Variants in RALGPS2 observed in about 807,000 individuals in gnomAD.
RALGPS2 encodes the protein Ral GEF with PH domain and SH3 binding motif 2, also known as ras-specific guanine nucleotide-releasing factor RalGPS2.
RALGPS2 carries 43 observed loss-of-function variants against 86.8 expected under a neutral mutation model. The observed-to-expected ratio is 0.50, with a 90% CI of 0.39 to 0.64. RALGPS2 has a LOEUF of 0.64. Ranked by LOEUF, RALGPS2 falls within the 30% of genes least tolerant of loss-of-function variation. The pLI is 0.00. For missense variants in RALGPS2, 536 were observed against 694.6 expected (o/e 0.77, Z 2.57); for synonymous variants, 243 against 231.3 (o/e 1.05, Z -0.46).
At chr1:178,759,362 C>T (rs1652115297) in intron 1 of RALGPS2, among the ~76,000 whole-genome samples, 1 of 151,974 alleles carries the variant, frequency 6.6e-6, no homozygotes, top group Admixed American at 6.6e-5. Flanking sequence ...GTTCTTGGCA[C>T]CTTTGTTGAA....
At chr1:178,860,511 T>C (rs901519149) in intron 8 of RALGPS2, among the ~76,000 whole-genome samples, 8 of 152,180 alleles carry the variant, frequency 5.3e-5, no homozygotes, top group African/African-American at 1.9e-4. Flanking sequence ...AGAACATTTA[T>C]ATTGTACAGC....
At chr1:178,744,653 A>G (rs1444216355) in intron 1 of RALGPS2, among the ~76,000 whole-genome samples, 1 of 151,938 alleles carries the variant, frequency 6.6e-6, no homozygotes, top group Non-Finnish European at 1.5e-5. Context: ...GTCTCTACTA[A>G]TAATACAAAA....
intron 4 of RALGPS2, among the ~76,000 whole-genome samples, chr1:178,795,784 CTG>C (rs749967329): frequency 6.6e-6 from 1 of 152,192 alleles, no homozygotes; most frequent in Non-Finnish European, 1.5e-5. Flanking sequence ...AAAAGCTTCT[CTG>C]TGCAAACCTT....
chr1:178,784,522 G>A lies in RALGPS2; in HGVS notation c.162G>A (p.Ala54=), dbSNP rs200526578. The A allele has an allele frequency of 7.3e-4, 1,160 of 1,582,024 alleles. 1 individual carries two copies. The highest frequency in any genetic ancestry group is 9.6e-4 in the Non-Finnish European group (1,113 of 1,158,580). ...TTAAGGTTACACCAGAAGAATATGC[G>A]GTAAGCCTCCTACCTCTGTCTTCTC... ...DVLKVTPEEY[A]GQITLMDVPV... is the part of the protein sequence containing the mutation. The change falls in exon 3 of 20, where the codon GCG becomes GCA. Residue 54 remains alanine, a splice_region_variant and synonymous_variant. Transcript: ENST00000367635.
At chr1:178,887,829 T>C (rs1363456383) in intron 13 of RALGPS2, among the ~76,000 whole-genome samples, 1 of 152,230 alleles carries the variant, frequency 6.6e-6, no homozygotes. Flanking sequence ...AAGTTGCCTA[T>C]ATGCAAATAC....
intron 1 of RALGPS2, among the ~76,000 whole-genome samples, chr1:178,735,601 C>CTT (rs1299543356): frequency 2.4e-5 from 1 of 41,372 alleles, no homozygotes; most frequent in Admixed American, 2.0e-4. Flanking sequence ...TTTTTGTATT[C>CTT]TTTTTTTTTT....
At chr1:178,832,144 A>G (rs781669659) in intron 7 of RALGPS2, among the ~76,000 whole-genome samples, 10 of 152,226 alleles carry the variant, frequency 6.6e-5, no homozygotes, top group Admixed American at 1.3e-4. Flanking sequence ...ATTTGCACCT[A>G]ATCTTGAGAT....
At chr1:178,840,388 C>G (rs1239407076) in intron 8 of RALGPS2, among the ~76,000 whole-genome samples, 1 of 152,176 alleles carries the variant, frequency 6.6e-6, no homozygotes, top group Non-Finnish European at 1.5e-5. Context: ...GAACAACCTG[C>G]TCCTGAATGA....
intron 4 of RALGPS2, among the ~76,000 whole-genome samples, chr1:178,799,152 G>C (rs1048347423): frequency 5.3e-5 from 8 of 152,134 alleles, no homozygotes; most frequent in African/African-American, 1.9e-4. Context: ...TGATTCTCCT[G>C]CCTCAGACTC....
chr1:178,892,388 A>C (rs1218094113), intron 15 of RALGPS2, 81 bp downstream of exon 15: 2 of 1,158,108 alleles, frequency 1.7e-6, no homozygotes, highest in Non-Finnish European at 2.5e-6. Flanking sequence ...GTCTGACGTT[A>C]TTTCTTTTCT....
chr1:178,887,289 C>A (rs1659531382), intron 13 of RALGPS2, among the ~76,000 whole-genome samples: 1 of 151,988 alleles, frequency 6.6e-6, no homozygotes, highest in Non-Finnish European at 1.5e-5. Context: ...CCCATCTCTA[C>A]TAAAAATACA....
intron 1 of RALGPS2, among the ~76,000 whole-genome samples, chr1:178,767,145 G>A (rs1398352783): frequency 1.3e-5 from 2 of 152,070 alleles, no homozygotes; most frequent in South Asian, 2.1e-4. Context: ...TTTTGATTGG[G>A]CTTTGACTAT....
At chr1:178,734,808 A>C (rs1018683344) in intron 1 of RALGPS2, among the ~76,000 whole-genome samples, 1 of 152,170 alleles carries the variant, frequency 6.6e-6, no homozygotes, top group Non-Finnish European at 1.5e-5. Flanking sequence ...AAAATAACTA[A>C]AGGTGTTGAT....
intron 1 of RALGPS2, among the ~76,000 whole-genome samples, chr1:178,775,224 G>A (rs1224635855): frequency 1.3e-5 from 2 of 152,142 alleles, no homozygotes; most frequent in Non-Finnish European, 2.9e-5. Flanking sequence ...CTATTTTATA[G>A]ATGAGAAAAC....
At chr1:178,768,571 C>T (rs1187270075) in intron 1 of RALGPS2, among the ~76,000 whole-genome samples, 1 of 152,184 alleles carries the variant, frequency 6.6e-6, no homozygotes, top group Non-Finnish European at 1.5e-5. Flanking sequence ...TGGGTGTACA[C>T]TTGATCCTTG....
At chr1:178,808,632 G>A (rs376959559) in intron 5 of RALGPS2, among the ~76,000 whole-genome samples, 103 of 152,150 alleles carry the variant, frequency 6.8e-4, no homozygotes, top group African/African-American at 2.3e-3. Flanking sequence ...TTGAAAGCTC[G>A]TGTCTGTTTA....
chr1:178,821,482 G>A (rs1483855950), intron 6 of RALGPS2, 130 bp from the exon 7 acceptor site: 1 of 668,722 alleles, frequency 1.5e-6, no homozygotes, highest in African/African-American at 1.8e-5. Context: ...TCTAAAGACA[G>A]TTCTCAGTAA....
At chr1:178,760,204 AT>A (rs141277674) in intron 1 of RALGPS2, among the ~76,000 whole-genome samples, 2,205 of 152,150 alleles carry the variant, frequency 0.014, 57 homozygotes, top group African/African-American at 0.048. Flanking sequence ...GTAGGTGACT[AT>A]TAGGTCCAGT....
At chr1:178,786,674 A>G (rs1302965019) in intron 4 of RALGPS2, among the ~76,000 whole-genome samples, 1 of 151,868 alleles carries the variant, frequency 6.6e-6, no homozygotes, top group Non-Finnish European at 1.5e-5. Flanking sequence ...CTCATCTAGT[A>G]TATCAATGTG....
Sources: allele counts gnomAD v4.1 joint callset (sites outside exome capture counted in the v4.1 genomes callset), GRCh38; gene constraint gnomAD v4.1.1; transcripts MANE v1.5; gene names NCBI Gene and HGNC (gene_info 2026-07-23, HGNC 2026-07-21).